RANBP17: variants seen among roughly 807,000 people sequenced by gnomAD.
The protein encoded by RANBP17 is RAN binding protein 17, also known as ran-binding protein 17.
Under a neutral mutation model 141.2 loss-of-function variants are expected in RANBP17, and 158 were observed. The ratio of observed to expected loss-of-function variants is 1.12; its 90% CI spans 0.98 to 1.28. The LOEUF is 1.28. Among genes scored for constraint, RANBP17 ranks in the 50% most tolerant of loss-of-function variants. RANBP17 has a pLI of 0.00. For synonymous variants in RANBP17, 430 were observed against 450.0 expected, an observed-to-expected ratio of 0.96 and a Z score of 0.56; for missense variants, 1,438 against 1,290.7, an observed-to-expected ratio of 1.11 and a Z score of -1.75.
chr5:171,095,101 G>A (rs1786589055), intron 14 of RANBP17, among the ~76,000 whole-genome samples: 1 of 152,128 alleles, frequency 6.6e-6, no homozygotes, highest in Non-Finnish European at 1.5e-5. Context: ...AGAACTGTGA[G>A]CCAAATAAAT....
chr5:171,194,756 T>C (rs1177948237), intron 18 of RANBP17, among the ~76,000 whole-genome samples: 2 of 152,240 alleles, frequency 1.3e-5, no homozygotes, highest in African/African-American at 4.8e-5. Flanking sequence ...CTGGCAACTC[T>C]AATTTTTTAA....
Position 171,213,633 on chromosome 5 carries a change from A to G in RANBP17, c.2234A>G (p.Tyr745Cys). Residue 745 changes from tyrosine to cysteine, a missense_variant and splice_region_variant, in exon 21 of 28, where the codon TAC (tyrosine) becomes TGC (cysteine). Transcript: ENST00000523189. ...TTCTTTAACAGGCTTTATAAAAGGT[A>G]CCCAACGTACCTTCCCCTTCTTCAG... ...TSYTMLFDWM[Y>C]PTYLPLLQNA... is the part of the protein sequence containing the mutation. 1 of 1,611,546 alleles carries G rather than the reference A, an allele frequency of 6.2e-7. No homozygotes were observed. Among genetic ancestry groups the G allele is most frequent in the Admixed American group, 1.7e-5 (1 of 60,014 alleles).
At chr5:171,138,007 T>C (rs1325665369) in intron 14 of RANBP17, among the ~76,000 whole-genome samples, 1 of 151,444 alleles carries the variant, frequency 6.6e-6, no homozygotes, top group East Asian at 1.9e-4. Context: ...TAAGTAGAAT[T>C]GCCCTGACTC....
At chr5:171,210,859 G>A (rs2127968857) in intron 20 of RANBP17, among the ~76,000 whole-genome samples, 1 of 152,046 alleles carries the variant, frequency 6.6e-6, no homozygotes, top group East Asian at 1.9e-4. Flanking sequence ...AGAAATATTA[G>A]CCGGGCATGG....
chr5:171,225,506 A>G (rs1279420232), intron 22 of RANBP17, among the ~76,000 whole-genome samples: 23 of 152,196 alleles, frequency 1.5e-4, no homozygotes, highest in Admixed American at 1.4e-3. Flanking sequence ...GAGGAAGATC[A>G]TGTAGTTGCC....
intron 14 of RANBP17, among the ~76,000 whole-genome samples, chr5:171,144,991 T>G (rs1757942863): frequency 6.6e-6 from 1 of 152,236 alleles, no homozygotes; most frequent in Admixed American, 6.5e-5. Context: ...ATATTTCGCT[T>G]GGCTATTTTG....
chr5:171,121,886 T>C (rs1189823541), intron 14 of RANBP17, among the ~76,000 whole-genome samples: 1 of 152,172 alleles, frequency 6.6e-6, no homozygotes, highest in Admixed American at 6.5e-5. Context: ...AAGATGGCAC[T>C]GTGCTACAGC....
chr5:170,948,735 A>G (rs1009567541), intron 12 of RANBP17, among the ~76,000 whole-genome samples: 1 of 152,184 alleles, frequency 6.6e-6, no homozygotes, highest in Non-Finnish European at 1.5e-5. Context: ...AATCCATGGG[A>G]CCCAAAATAG....
intron 12 of RANBP17, among the ~76,000 whole-genome samples, chr5:170,931,762 C>T (rs1247302914): frequency 6.6e-6 from 1 of 152,086 alleles, no homozygotes; most frequent in Non-Finnish European, 1.5e-5. Flanking sequence ...TTCCATTGGT[C>T]TATATCTCTG....
At chr5:170,932,334 A>G (rs1431192664) in intron 12 of RANBP17, among the ~76,000 whole-genome samples, 1 of 152,194 alleles carries the variant, frequency 6.6e-6, no homozygotes, top group Admixed American at 6.5e-5. Flanking sequence ...TTCTAAATAT[A>G]CAATCATGTC....
At chr5:171,141,279 G>T (rs1434673670) in intron 14 of RANBP17, among the ~76,000 whole-genome samples, 1 of 151,906 alleles carries the variant, frequency 6.6e-6, no homozygotes, top group Non-Finnish European at 1.5e-5. Context: ...TTTAAAGTTG[G>T]TTTATTAAGG....
chr5:171,013,805 GTATGGTGTT>G (rs1780240434), intron 14 of RANBP17, among the ~76,000 whole-genome samples: 1 of 152,070 alleles, frequency 6.6e-6, no homozygotes, highest in South Asian at 2.1e-4. Flanking sequence ...AAATAGAAGA[GTATGGTGTT>G]TATTGGAATT....
At chr5:171,260,697 T>G (rs1330941362) in intron 24 of RANBP17, among the ~76,000 whole-genome samples, 1 of 152,002 alleles carries the variant, frequency 6.6e-6, no homozygotes, top group East Asian at 1.9e-4. Context: ...ATAACAAAAC[T>G]TCACATGTAC....
intron 14 of RANBP17, among the ~76,000 whole-genome samples, chr5:170,996,955 G>T (rs1778856460): frequency 6.6e-6 from 1 of 152,164 alleles, no homozygotes; most frequent in Non-Finnish European, 1.5e-5. Flanking sequence ...GAATGATACG[G>T]TTAAGCTTTG....
chr5:171,268,205 C>T (rs371033501), intron 25 of RANBP17, among the ~76,000 whole-genome samples: 26 of 152,186 alleles, frequency 1.7e-4, no homozygotes, highest in Non-Finnish European at 3.4e-4. Context: ...AGACAAGTAA[C>T]TCACCAGTTA....
At chr5:170,897,573 C>G (rs920935270) in intron 5 of RANBP17, among the ~76,000 whole-genome samples, 1 of 151,766 alleles carries the variant, frequency 6.6e-6, no homozygotes, top group Non-Finnish European at 1.5e-5. Flanking sequence ...CCCCCAACCC[C>G]CAACAGGCCC....
chr5:171,210,713 C>G (rs1355579011), intron 20 of RANBP17, among the ~76,000 whole-genome samples: 1 of 152,072 alleles, frequency 6.6e-6, no homozygotes, highest in Non-Finnish European at 1.5e-5. Context: ...AGATTAAAAG[C>G]TATATCTTCC....
chr5:170,955,217 G>T (rs1335381749), intron 13 of RANBP17, among the ~76,000 whole-genome samples: 1 of 151,958 alleles, frequency 6.6e-6, no homozygotes, highest in Non-Finnish European at 1.5e-5. Context: ...TTGTATGATA[G>T]TTAACATTTG....
intron 14 of RANBP17, among the ~76,000 whole-genome samples, chr5:171,064,077 T>G (rs1784122765): frequency 6.6e-6 from 1 of 152,246 alleles, no homozygotes; most frequent in South Asian, 2.1e-4. Context: ...CCCCTTTCTT[T>G]GACTAGGAAA....
Sources: gnomAD v4.1 joint callset for allele counts (sites outside exome capture counted in the v4.1 genomes callset) on GRCh38, gnomAD v4.1.1 for gene constraint, MANE v1.5 for transcripts, NCBI Gene and HGNC (gene_info 2026-07-23, HGNC 2026-07-21) for gene names.